AMMECR1L: variants seen among roughly 807,000 people sequenced by gnomAD.
AMMECR1L encodes AMMECR1-like protein.
Under a neutral mutation model 36.8 loss-of-function variants are expected in AMMECR1L, and 4 were observed. That is an observed-to-expected ratio of 0.11 (90% CI 0.05 to 0.25). The LOEUF is 0.25. AMMECR1L is among the 10% of genes least tolerant of loss of function. The pLI is 1.00. For synonymous variants in AMMECR1L, 147 were observed against 148.0 expected (o/e 0.99, Z 0.05); for missense variants, 232 against 392.1 (o/e 0.59, Z 3.45).
chr2:127,878,331 G>A (rs1255377820), intron 2 of AMMECR1L, among the ~76,000 whole-genome samples: 1 of 152,198 alleles, frequency 6.6e-6, no homozygotes, highest in East Asian at 1.9e-4. Flanking sequence ...AGATGAAGCA[G>A]CAGGACCGCA....
At chr2:127,882,064 A>G (rs1415527025) in intron 2 of AMMECR1L, among the ~76,000 whole-genome samples, 4 of 152,226 alleles carry the variant, frequency 2.6e-5, no homozygotes, top group African/African-American at 9.6e-5. Context: ...AGACATCTTG[A>G]TAGATACTGA....
At chr2:127,872,787 ATCTC>A (rs998085712) in intron 3 of AMMECR1L, among the ~76,000 whole-genome samples, 8 of 152,100 alleles carry the variant, frequency 5.3e-5, no homozygotes, top group African/African-American at 1.9e-4. Flanking sequence ...TCCAAACTGC[ATCTC>A]TCTCTTACGT....
At position 127,873,037 on chromosome 2, in the gene AMMECR1L, C is replaced by T. The variant is rs1364596346; in HGVS notation, c.407+791G>A. On this transcript the variant is annotated intron_variant, in intron 3 of 7. Coordinates refer to ENST00000272647, the MANE Select transcript of AMMECR1L (RefSeq NM_001199140.2). This position sits in a 1 kb window ranked among gnomAD's most constrained non-coding sequence, Gnocchi z 5.2. ...TCCTTTTCTTCACACCCTCTCCATGCCCCAGCCAAGGTTTTGTAGTCTCCG... is the reference window on the plus strand; with the variant it reads ...TCCTTTTCTTCACACCCTCTCCATGTCCCAGCCAAGGTTTTGTAGTCTCCG... The T allele has an allele frequency of 1.0e-6, 1 of 985,242 alleles. No homozygotes were observed. The highest frequency in any genetic ancestry group is 1.1e-4 in the East Asian group (1 of 8,822). 61.0% of individuals were successfully genotyped at this position (985,242 alleles called of 1,614,324 possible). A position where few individuals can be genotyped will look rare whatever the true frequency, so the allele number is the denominator to read the frequency against.
chr2:127,885,111 G>C, intron 1 of AMMECR1L: 1 of 980,918 alleles, frequency 1.0e-6, no homozygotes, highest in Non-Finnish European at 1.2e-6. Flanking sequence ...ATGAAACCCA[G>C]CGTGTCAGGT....
chr2:127,874,344 G>C lies in AMMECR1L; in HGVS notation c.-38-72C>G. 2.8e-6 allele frequency: 4 copies of C among 1,409,506 alleles called. No individual in the cohort carries two copies. The highest frequency in any genetic ancestry group is 1.9e-6 in the Non-Finnish European group (2 of 1,048,862). The allele number at this position is 1,409,506 out of a possible 1,614,324, so 87.3% of individuals were successfully genotyped here. A position where few individuals can be genotyped will look rare whatever the true frequency, so the allele number is the denominator to read the frequency against. Reference sequence around the variant, plus strand: ...AGGAGAGGAAAAAACATCAAAGATAGAGAGTCTGCATTGACCAGCTAAGAG... The same window carrying C: ...AGGAGAGGAAAAAACATCAAAGATACAGAGTCTGCATTGACCAGCTAAGAG... On this transcript the variant is annotated intron_variant, in intron 2 of 7. Transcript: ENST00000272647. This position sits in a 1 kb window ranked among gnomAD's most constrained non-coding sequence, Gnocchi z 5.2.
At chr2:127,867,770 C>T (rs891591679) in intron 6 of AMMECR1L, among the ~76,000 whole-genome samples, 9 of 151,508 alleles carry the variant, frequency 5.9e-5, no homozygotes, top group African/African-American at 2.2e-4. Context: ...AAGGGAAAGA[C>T]AGGAAGAGGA....
chr2:127,874,308 GGTTA>G lies in AMMECR1L; in HGVS notation c.-38-40_-38-37del. The G allele has an allele frequency of 6.4e-7, 1 of 1,554,730 alleles. No homozygotes were observed. Among genetic ancestry groups the G allele is most frequent in the Non-Finnish European group, 8.7e-7 (1 of 1,152,448 alleles). ...TGAGAAGTTAAGCATTAATTTGACT[GGTTA>G]GTTAAAAGGAGAGGAAAAAACATCA... On this transcript the variant is annotated intron_variant, in intron 2 of 7. Coordinates refer to ENST00000272647, the MANE Select transcript of AMMECR1L (RefSeq NM_001199140.2). The surrounding 1 kb of genome is among the most constrained non-coding windows in gnomAD (Gnocchi z 5.2).
intron 5 of AMMECR1L, among the ~76,000 whole-genome samples, chr2:127,870,291 C>T (rs1368870109): frequency 4.1e-5 from 6 of 146,978 alleles, no homozygotes; most frequent in Admixed American, 6.8e-5. Context: ...TCCAGCCTGG[C>T]GACAGAGCGA....
At chr2:127,878,370 C>T (rs559099546) in intron 2 of AMMECR1L, among the ~76,000 whole-genome samples, 1 of 152,274 alleles carries the variant, frequency 6.6e-6, no homozygotes, top group African/African-American at 2.4e-5. Flanking sequence ...TTTAATAGGG[C>T]TCTGAGGCTC....
At position 127,874,161 on chromosome 2, in the gene AMMECR1L, T is replaced by C. The variant is rs771188762; in HGVS notation, c.74A>G (p.Lys25Arg). The C allele has an allele frequency of 2.5e-6, 4 of 1,614,138 alleles. No individual in the cohort carries two copies. In the Admixed American group the frequency reaches 5.0e-5, roughly 20 times the overall value. ...ACTGTGCGTTCCACTTCCAGATAAT[T>C]TGGGCTTCTTGACCCCACAACAGCC... Reference protein sequence around the residue: ...AAGCCGVKKPKLSGSGTHSHG... With the variant: ...AAGCCGVKKPRLSGSGTHSHG... The change falls in exon 3 of 8, where the codon AAA (lysine) becomes AGA (arginine). Residue 25 changes from lysine (K) to arginine (R), a missense_variant. By Grantham distance (26) the Lys-to-Arg change is conservative. Around this residue, in one of 3 missense-constraint regions of AMMECR1L, gnomAD observed 109 missense variants for 128.1 expected, o/e 0.85. Coordinates refer to ENST00000272647, the MANE Select transcript of AMMECR1L (RefSeq NM_001199140.2). The surrounding 1 kb of genome is among the most constrained non-coding windows in gnomAD (Gnocchi z 5.2).
chr2:127,880,901 C>A (rs961559143), intron 2 of AMMECR1L, among the ~76,000 whole-genome samples: 4 of 152,126 alleles, frequency 2.6e-5, no homozygotes, highest in Admixed American at 2.6e-4. Context: ...ATTACAAGCA[C>A]CTATTCTTAT....
intron 5 of AMMECR1L, among the ~76,000 whole-genome samples, chr2:127,870,312 CAA>C (rs552288496): frequency 3.1e-5 from 4 of 130,964 alleles, no homozygotes; most frequent in Non-Finnish European, 4.9e-5. Context: ...GACTCTGTCT[CAA>C]AAAAAAAAAA....
rs796531764 is a variant in AMMECR1L at position 127,876,358 on chromosome 2, A to G, written c.-38-2086T>C. Among the ~76,000 whole-genome samples, 8 of 151,670 alleles carry G rather than the reference A, an allele frequency of 5.3e-5. No homozygotes were observed. In the East Asian group the frequency reaches 1.2e-3, roughly 22 times the overall value. ...GAGCAAGGCCCTGTCTCAAAAAAAA[A>G]AAAAAAAAAAGGTGGTAGGGGGGCG... On this transcript the variant is annotated intron_variant, in intron 2 of 7. Coordinates refer to ENST00000272647, the MANE Select transcript of AMMECR1L (RefSeq NM_001199140.2).
At chr2:127,872,721 A>T (rs1409784147) in intron 3 of AMMECR1L, among the ~76,000 whole-genome samples, 1 of 152,168 alleles carries the variant, frequency 6.6e-6, no homozygotes, top group Non-Finnish European at 1.5e-5. Context: ...GGAAATGCAA[A>T]GCCTTGAATA....
At chr2:127,870,337 T>C (rs1690905671) in intron 5 of AMMECR1L, among the ~76,000 whole-genome samples, 1 of 149,746 alleles carries the variant, frequency 6.7e-6, no homozygotes, top group Non-Finnish European at 1.5e-5. Context: ...TAGCTGGGCA[T>C]GGTGGTGGGC....
At chr2:127,868,937 AT>A (rs1169737911) in intron 6 of AMMECR1L, among the ~76,000 whole-genome samples, 1 of 152,080 alleles carries the variant, frequency 6.6e-6, no homozygotes. Flanking sequence ...GCTGGCCAGG[AT>A]GGTCTCAATC....
rs1046761652 is a variant in AMMECR1L, at chr2:127,867,078, A to G, written c.725-82T>C. The G allele has an allele frequency of 3.1e-6, 5 of 1,587,638 alleles. No individual in the cohort carries two copies. The Admixed American group carries it at 5.3e-5, about 17-fold the overall frequency. ...CTCACATGGCCCGTGCAAGAAGAGA[A>G]ATGGGACTCGAGAAGCAGCCGAGTC... On this transcript the variant is annotated intron_variant, in intron 6 of 7. Transcript: ENST00000272647.
Position 127,871,429 on chromosome 2 carries a change from C to A in AMMECR1L, c.408-70G>T, listed in dbSNP as rs1690959916. The A allele has an allele frequency of 6.7e-7, 1 of 1,484,972 alleles. No homozygotes were observed. The highest frequency in any genetic ancestry group is 2.4e-5 in the East Asian group (1 of 42,040). The allele number at this position is 1,484,972 out of a possible 1,614,324, so 92.0% of individuals were successfully genotyped here. On this transcript the variant is annotated intron_variant, in intron 3 of 7. Transcript: ENST00000272647. The surrounding 1 kb of genome is among the most constrained non-coding windows in gnomAD (Gnocchi z 4.3). ...CATGGATAAGAACAAAACCTTTTGG[C>A]TTTGTCCCTATTCATTTCTGTTATT... is the stretch of plus-strand genomic sequence containing the variant.
rs1301338335 is a variant in AMMECR1L, at chr2:127,864,018, T to C, written c.*1076A>G. On this transcript the variant is annotated 3_prime_UTR_variant, in exon 8 of 8. Coordinates refer to ENST00000272647, the MANE Select transcript of AMMECR1L (RefSeq NM_001199140.2). ...ATTACACAACTGTTTCCTAATGTCC[T>C]GTAAAGGACAGAAACACCAACAGTC... 1 of 152,524 alleles carries C rather than the reference T, an allele frequency of 6.6e-6. No homozygotes were observed. The highest frequency in any genetic ancestry group is 1.5e-5 in the Non-Finnish European group (1 of 68,042). The allele number at this position is 152,524 out of a possible 1,614,324, so 9.4% of individuals were successfully genotyped here.
Sources: allele counts gnomAD v4.1 joint callset (sites outside exome capture counted in the v4.1 genomes callset), GRCh38; gene constraint gnomAD v4.1.1; regional missense constraint gnomAD v4.1.1; non-coding constraint Gnocchi (gnomAD v3.1); transcripts MANE v1.5; gene names NCBI Gene and HGNC (gene_info 2026-07-23, HGNC 2026-07-21).